BNC2: variants seen among roughly 807,000 people sequenced by gnomAD.
The protein encoded by BNC2 is basonuclin zinc finger protein 2.
In BNC2, 20 loss-of-function variants were observed where a neutral mutation model predicts 76.3. That is an observed-to-expected ratio of 0.26 (90% CI 0.18 to 0.38). BNC2 has a LOEUF of 0.38. Among genes scored for constraint, BNC2 ranks in the 10% least tolerant of loss-of-function variants. BNC2 has a pLI of 1.00. For missense variants in BNC2, 1,382 were observed against 1,399.8 expected, an observed-to-expected ratio of 0.99 and a Z score of 0.20; for synonymous variants, 582 against 514.8, an observed-to-expected ratio of 1.13 and a Z score of -1.77.
intron 4 of BNC2, among the ~76,000 whole-genome samples, chr9:16,561,209 G>A (rs1214842427): frequency 2.0e-5 from 3 of 150,682 alleles, no homozygotes; most frequent in South Asian, 2.1e-4. Context: ...ATTGCACTCC[G>A]CCTGGGCAAC....
At chr9:16,790,024 G>T (rs1183767281) in intron 1 of BNC2, among the ~76,000 whole-genome samples, 1 of 151,992 alleles carries the variant, frequency 6.6e-6, no homozygotes, top group Non-Finnish European at 1.5e-5. Context: ...TTTTGAGATG[G>T]AGTCTCGCTC....
intron 5 of BNC2, 105 bp downstream of exon 5, chr9:16,552,425 C>A: frequency 1.1e-6 from 1 of 934,628 alleles, no homozygotes; most frequent in South Asian, 1.4e-5. Context: ...CCACTTTAAC[C>A]AGAGGAGGGT....
At chr9:16,560,678 T>C (rs184965629) in intron 4 of BNC2, among the ~76,000 whole-genome samples, 5 of 152,314 alleles carry the variant, frequency 3.3e-5, no homozygotes, top group African/African-American at 1.2e-4. Context: ...CAGTGAGCTA[T>C]GATCCTGCAC....
At chr9:16,701,463 G>C (rs1320722654) in intron 3 of BNC2, among the ~76,000 whole-genome samples, 1 of 152,078 alleles carries the variant, frequency 6.6e-6, no homozygotes, top group Non-Finnish European at 1.5e-5. Context: ...AGCATCCCTA[G>C]CACACTATGT....
chr9:16,663,685 G>C (rs117036893), intron 3 of BNC2, among the ~76,000 whole-genome samples: 3 of 152,140 alleles, frequency 2.0e-5, no homozygotes, highest in Non-Finnish European at 2.9e-5. Flanking sequence ...CTCAGAAAGA[G>C]TAATAATGTC....
intron 5 of BNC2, among the ~76,000 whole-genome samples, chr9:16,512,490 A>G (rs867316353): frequency 8.5e-5 from 13 of 152,082 alleles, no homozygotes; most frequent in East Asian, 5.8e-4. Flanking sequence ...ACGCGCACAC[A>G]CACACACACA....
At chr9:16,608,124 C>A (rs1255732458) in intron 3 of BNC2, among the ~76,000 whole-genome samples, 1 of 152,126 alleles carries the variant, frequency 6.6e-6, no homozygotes, top group Non-Finnish European at 1.5e-5. Flanking sequence ...TTAACTAAAT[C>A]TACCCTTATC....
At chr9:16,778,493 T>C (rs997279676) in intron 1 of BNC2, among the ~76,000 whole-genome samples, 13 of 152,056 alleles carry the variant, frequency 8.5e-5, no homozygotes, top group Non-Finnish European at 1.5e-4. Context: ...AAAACAATAA[T>C]CCAAAAAAGA....
intron 3 of BNC2, among the ~76,000 whole-genome samples, chr9:16,676,350 C>T (rs1210669337): frequency 6.6e-6 from 1 of 152,176 alleles, no homozygotes; most frequent in Non-Finnish European, 1.5e-5. Flanking sequence ...CATAGGCACA[C>T]ACCCAAACAC....
intron 2 of BNC2, among the ~76,000 whole-genome samples, chr9:16,735,752 G>C (rs540075265): frequency 6.6e-6 from 1 of 151,876 alleles, no homozygotes; most frequent in Non-Finnish European, 1.5e-5. Flanking sequence ...TGATCTGCCC[G>C]CCTTGCCTCC....
intron 3 of BNC2, among the ~76,000 whole-genome samples, chr9:16,709,907 G>C (rs1415290087): frequency 6.6e-6 from 1 of 152,132 alleles, no homozygotes; most frequent in Non-Finnish European, 1.5e-5. Flanking sequence ...AAGGGGAAAA[G>C]TGGTTATAGG....
At chr9:16,528,726 G>A (rs889191873) in intron 5 of BNC2, among the ~76,000 whole-genome samples, 23 of 152,124 alleles carry the variant, frequency 1.5e-4, no homozygotes, top group African/African-American at 5.3e-4. Flanking sequence ...CCCAAACACT[G>A]AAAACAACCC....
intron 4 of BNC2, among the ~76,000 whole-genome samples, chr9:16,563,726 T>C (rs1050649781): frequency 5.3e-5 from 8 of 152,154 alleles, no homozygotes; most frequent in Admixed American, 2.6e-4. Flanking sequence ...GAAATGAAAA[T>C]TGGGACTAGA....
At chr9:16,641,418 A>G (rs972944406) in intron 3 of BNC2, among the ~76,000 whole-genome samples, 1 of 152,192 alleles carries the variant, frequency 6.6e-6, no homozygotes, top group African/African-American at 2.4e-5. Flanking sequence ...TACACCAAAT[A>G]AATTTGCTGA....
intron 5 of BNC2, among the ~76,000 whole-genome samples, chr9:16,539,704 GA>G (rs1818250553): frequency 7.8e-6 from 1 of 128,926 alleles, no homozygotes; most frequent in African/African-American, 3.4e-5. Context: ...GAAAGGAAGG[GA>G]GGAAGGAAGG....
chr9:16,599,441 A>G (rs950848022), intron 3 of BNC2, among the ~76,000 whole-genome samples: 1 of 152,178 alleles, frequency 6.6e-6, no homozygotes, highest in Non-Finnish European at 1.5e-5. Flanking sequence ...CCCTTCTAAC[A>G]CCTTCTTCAA....
In BNC2 at chr9:16,503,594, A is replaced by C. The variant is rs570138075; in HGVS notation, c.669+48936T>G. 7.2e-5 allele frequency among the ~76,000 whole-genome samples: 11 copies of C among 152,296 alleles called. No homozygotes were observed. The East Asian group carries it at 1.5e-3, about 21-fold the overall frequency. On this transcript the variant is annotated intron_variant, in intron 5 of 6. Coordinates refer to ENST00000380672, the MANE Select transcript of BNC2 (RefSeq NM_017637.6). The stretch of plus-strand genomic sequence containing the variant: ...CATATGGTGATAGGACAAATTCAAG[A>C]AATAGGAAAATGGGGTCAAGCAGTC...
At chr9:16,521,191 C>T (rs111311653) in intron 5 of BNC2, among the ~76,000 whole-genome samples, 37 of 152,138 alleles carry the variant, frequency 2.4e-4, no homozygotes, top group African/African-American at 7.2e-4. Flanking sequence ...CAGATGTGGC[C>T]GACATATTTG....
intron 3 of BNC2, among the ~76,000 whole-genome samples, chr9:16,646,370 GT>G (rs1821624520): frequency 6.6e-6 from 1 of 152,182 alleles, no homozygotes; most frequent in East Asian, 1.9e-4. Context: ...CATAAAATAT[GT>G]CTAAATATTC....
Sources: gnomAD v4.1 joint callset for allele counts (sites outside exome capture counted in the v4.1 genomes callset) on GRCh38, gnomAD v4.1.1 for gene constraint, MANE v1.5 for transcripts, NCBI Gene and HGNC (gene_info 2026-07-23, HGNC 2026-07-21) for gene names.